Variants in RALGAPA2 observed in about 807,000 individuals in gnomAD.
The protein encoded by RALGAPA2 is Ral GTPase activating protein catalytic subunit alpha 2.
Under a neutral mutation model 230.4 loss-of-function variants are expected in RALGAPA2, and 139 were observed. The observed-to-expected ratio is 0.60, with a 90% CI of 0.53 to 0.69. The LOEUF (loss-of-function observed/expected upper bound fraction) is 0.69. Ranked by LOEUF, RALGAPA2 falls within the 30% of genes least tolerant of loss-of-function variation. The probability of loss-of-function intolerance (pLI) is 0.00; values close to 1 mark genes in which losing one functional copy is unlikely to be tolerated. For missense variants in RALGAPA2, 2,163 were observed against 2,276.0 expected (o/e 0.95, Z 1.01); for synonymous variants, 847 against 837.8 (o/e 1.01, Z -0.19).
intron 1 of RALGAPA2, among the ~76,000 whole-genome samples, chr20:20,692,979 T>C (rs1311912518): frequency 6.6e-6 from 1 of 152,206 alleles, no homozygotes; most frequent in African/African-American, 2.4e-5. Context: ...GAAATAAAAT[T>C]TGCCAATTCC....
At chr20:20,534,486 A>G (rs2063449288) in intron 26 of RALGAPA2, among the ~76,000 whole-genome samples, 1 of 151,972 alleles carries the variant, frequency 6.6e-6, no homozygotes, top group Admixed American at 6.6e-5. Flanking sequence ...TAGCTCATAT[A>G]CCAGTATATT....
chr20:20,498,189 G>A (rs2062268537), intron 35 of RALGAPA2, among the ~76,000 whole-genome samples: 2 of 152,156 alleles, frequency 1.3e-5, no homozygotes, highest in Admixed American at 1.3e-4. Context: ...TGAGTTCGGT[G>A]AGTGCACACA....
chr20:20,668,901 T>C (rs565375024), intron 3 of RALGAPA2, among the ~76,000 whole-genome samples: 82 of 152,288 alleles, frequency 5.4e-4, no homozygotes, highest in African/African-American at 1.9e-3. Context: ...AGAGCTACAC[T>C]GAGAGCCAGG....
intron 30 of RALGAPA2, 45 bp from the exon 31 acceptor site, chr20:20,521,145 G>C (rs982612510): frequency 2.0e-6 from 3 of 1,494,006 alleles, no homozygotes; most frequent in Middle Eastern, 2.4e-4. Context: ...TACTCACCGC[G>C]TGTCCCCTGA....
intron 37 of RALGAPA2, among the ~76,000 whole-genome samples, chr20:20,464,207 C>G (rs1242138294): frequency 6.6e-6 from 1 of 152,202 alleles, no homozygotes; most frequent in African/African-American, 2.4e-5. Flanking sequence ...CTTAAAGCTA[C>G]TGACAAATGC....
At chr20:20,634,137 C>T (rs367915217) in intron 9 of RALGAPA2, among the ~76,000 whole-genome samples, 1 of 151,836 alleles carries the variant, frequency 6.6e-6, no homozygotes, top group East Asian at 1.9e-4. Context: ...AAGTTTGAGG[C>T]ACACCTTTTT....
chr20:20,616,045 T>G lies in RALGAPA2; in HGVS notation c.1686A>C (p.Thr562=), dbSNP rs927925708. The change falls in exon 13 of 40, where the codon ACA becomes ACC. Residue 562 remains threonine, a splice_region_variant and synonymous_variant. Coordinates refer to ENST00000202677, the MANE Select transcript of RALGAPA2 (RefSeq NM_020343.4). The part of the protein sequence containing the change: ...MIMELTMNKK[T]WEQMLQILLR... ...TAATTAATTTGATATAAACTTACCA[T>G]GTCTTTTTATTCATTGTAAGCTCCA... 2.0e-6 allele frequency: 3 copies of G among 1,494,008 alleles called. No homozygotes were observed. The African/African-American group carries it at 4.2e-5, about 21-fold the overall frequency. The allele number at this position is 1,494,008 out of a possible 1,614,324, so 92.5% of individuals were successfully genotyped here.
At position 20,437,534 on chromosome 20, in the gene RALGAPA2, ACTGGGTGCCTGCCCCTGCTGTCACCT is replaced by A. The variant is rs1370536510; in HGVS notation, c.5496-25412_5496-25387del. On this transcript the variant is annotated intron_variant, in intron 37 of 39. Transcript: ENST00000202677. This position sits in a 1 kb window ranked among gnomAD's most constrained non-coding sequence, Gnocchi z 4.1. ...ACTGTGGCTGGCAAGGCCCTGCCCCACTGGGTGCCTGCCCCTGCTGTCACCTCTGTGGTGTGGAGCCCTTCCCACAC... is the reference window on the plus strand; with the variant it reads ...ACTGTGGCTGGCAAGGCCCTGCCCCACTGTGGTGTGGAGCCCTTCCCACAC... 2.6e-5 allele frequency among the ~76,000 whole-genome samples: 4 copies of A among 152,140 alleles called. No individual in the cohort carries two copies. The highest frequency in any genetic ancestry group is 7.2e-5 in the African/African-American group (3 of 41,422).
intron 16 of RALGAPA2, among the ~76,000 whole-genome samples, chr20:20,591,592 G>A (rs1441402098): frequency 3.9e-5 from 6 of 152,018 alleles, no homozygotes; most frequent in Admixed American, 3.9e-4. Flanking sequence ...AACTGTAAAA[G>A]TCATTTGACA....
At position 20,423,440 on chromosome 20, in the gene RALGAPA2, G is replaced by C. The variant is rs141375559; in HGVS notation, c.5496-11292C>G. ...GTCAAGGGATATGGAGGGAGCGGGA[G>C]ACAGCCATTTCCCAGATCCTAGGGA... On this transcript the variant is annotated intron_variant, in intron 37 of 39. Transcript: ENST00000202677. Among the ~76,000 whole-genome samples the C allele has an allele frequency of 5.0e-3, 769 of 152,320 alleles. 3 individuals carry two copies. Among genetic ancestry groups the C allele is most frequent in the African/African-American group, 0.017 (716 of 41,558 alleles).
intron 16 of RALGAPA2, 61 bp downstream of exon 16, chr20:20,601,621 G>T: frequency 6.6e-7 from 1 of 1,526,632 alleles, no homozygotes; most frequent in Non-Finnish European, 8.9e-7. Context: ...CACACTTTAT[G>T]CCTATAAATT....
chr20:20,653,583 A>C lies in RALGAPA2; in HGVS notation c.275T>G (p.Ile92Arg). ...AATTCGTTCAGGTAGAAACTGCAGTATTTTCTATTAAAAAAAGATATAAAG... is the reference window on the plus strand; with the variant it reads ...AATTCGTTCAGGTAGAAACTGCAGTCTTTTCTATTAAAAAAAGATATAAAG... ...LDSILFLFEK[I>R]LQFLPERIFF... is the part of the protein sequence containing the mutation. Residue 92 changes from isoleucine to arginine, a missense_variant, in exon 4 of 40, where the codon ATA becomes AGA. By Grantham distance (97) the Ile-to-Arg change is moderately conservative (BLOSUM62 -3). Coordinates refer to ENST00000202677, the MANE Select transcript of RALGAPA2 (RefSeq NM_020343.4). 1 of 1,470,874 alleles carries C rather than the reference A, an allele frequency of 6.8e-7. No homozygotes were observed. Among genetic ancestry groups the C allele is most frequent in the Non-Finnish European group, 9.3e-7 (1 of 1,078,658 alleles). The allele number at this position is 1,470,874 out of a possible 1,614,324, so 91.1% of individuals were successfully genotyped here. A position where few individuals can be genotyped will look rare whatever the true frequency, so the allele number is the denominator to read the frequency against.
At chr20:20,591,616 C>T (rs1440749500) in intron 16 of RALGAPA2, among the ~76,000 whole-genome samples, 1 of 151,962 alleles carries the variant, frequency 6.6e-6, no homozygotes, top group Non-Finnish European at 1.5e-5. Context: ...CAGGGCCAGG[C>T]ATGCCAAGGA....
At chr20:20,475,057 G>A (rs960018019) in intron 36 of RALGAPA2, among the ~76,000 whole-genome samples, 3 of 152,106 alleles carry the variant, frequency 2.0e-5, no homozygotes, top group African/African-American at 2.4e-5. Context: ...ACACACAATT[G>A]GAAGGCAAAT....
intron 23 of RALGAPA2, among the ~76,000 whole-genome samples, chr20:20,553,309 T>C (rs944407740): frequency 6.6e-6 from 1 of 152,092 alleles, no homozygotes; most frequent in Non-Finnish European, 1.5e-5. Context: ...TCTAGCACTT[T>C]AGGAAGCCAA....
chr20:20,709,553 T>C (rs2069760997), intron 1 of RALGAPA2, among the ~76,000 whole-genome samples: 2 of 152,150 alleles, frequency 1.3e-5, no homozygotes, highest in African/African-American at 2.4e-5. Flanking sequence ...TTGGTTTTTG[T>C]TTTGTCAACA....
Position 20,635,560 on chromosome 20 carries a change from T to C in RALGAPA2, c.863A>G (p.Asn288Ser), listed in dbSNP as rs1428975140. 13 of 1,588,974 alleles carry C rather than the reference T, an allele frequency of 8.2e-6. No homozygotes were observed. The highest frequency in any genetic ancestry group is 1.1e-5 in the Non-Finnish European group (13 of 1,171,780). The change falls in exon 9 of 40, where the codon AAC becomes AGC. Residue 288 changes from asparagine (N) to serine (S), a missense_variant. By Grantham distance (46) the Asn-to-Ser change is conservative. Transcript: ENST00000202677. ...ATATGGAATCTTTGTACTGTAAATGTTCTCATTGTCTCGAGTGGTAGTAAT... is the reference window on the plus strand; with the variant it reads ...ATATGGAATCTTTGTACTGTAAATGCTCTCATTGTCTCGAGTGGTAGTAAT... ...VYITTTRDNE[N>S]IYSTKIPYMA... is the part of the protein sequence containing the mutation.
chr20:20,567,143 G>A (rs771380201), intron 23 of RALGAPA2, among the ~76,000 whole-genome samples: 1 of 152,128 alleles, frequency 6.6e-6, no homozygotes, highest in Non-Finnish European at 1.5e-5. Context: ...TTTAAGCAAA[G>A]AAAACCTTCC....
intron 23 of RALGAPA2, among the ~76,000 whole-genome samples, chr20:20,568,078 G>A (rs1568588493): frequency 6.6e-6 from 1 of 152,086 alleles, no homozygotes; most frequent in East Asian, 1.9e-4. Flanking sequence ...CTGAGCAGAG[G>A]GAAGCGTACT....
Sources: gnomAD v4.1 joint callset for allele counts (sites outside exome capture counted in the v4.1 genomes callset) on GRCh38, gnomAD v4.1.1 for gene constraint, Gnocchi (gnomAD v3.1) non-coding constraint, MANE v1.5 for transcripts, NCBI Gene and HGNC (gene_info 2026-07-23, HGNC 2026-07-21) for gene names.